CDCA7L: variants seen among roughly 807,000 people sequenced by gnomAD.
CDCA7L encodes the protein cell division cycle associated 7 like.
In CDCA7L, 44 loss-of-function variants were observed where a neutral mutation model predicts 57.4. That is an observed-to-expected ratio of 0.77 (90% CI 0.60 to 0.98). CDCA7L has a LOEUF of 0.98. CDCA7L is among the 50% of genes least tolerant of loss of function. The pLI is 0.00. For missense variants in CDCA7L, 644 were observed against 580.6 expected, an observed-to-expected ratio of 1.11 and a Z score of -1.12; for synonymous variants, 236 against 202.8, an observed-to-expected ratio of 1.16 and a Z score of -1.39.
chr7:21,914,348 C>T (rs1785420706), intron 2 of CDCA7L, among the ~76,000 whole-genome samples: 1 of 152,158 alleles, frequency 6.6e-6, no homozygotes. Context: ...TATGAGGTCT[C>T]CCCTTCTTAA....
At chr7:21,902,559 G>C (rs1784953468) in intron 9 of CDCA7L, 2 of 512,118 alleles carry the variant, frequency 3.9e-6, no homozygotes, top group Admixed American at 3.4e-5. Flanking sequence ...CCGCATTCCA[G>C]AACCACGATT....
chr7:21,905,878 G>A (rs983924728), intron 6 of CDCA7L, among the ~76,000 whole-genome samples: 6 of 152,160 alleles, frequency 3.9e-5, no homozygotes, highest in Non-Finnish European at 5.9e-5. Flanking sequence ...ACTCTGTGGA[G>A]AGGTGAACCA....
intron 2 of CDCA7L, among the ~76,000 whole-genome samples, chr7:21,913,136 G>A (rs1360973942): frequency 3.3e-5 from 5 of 152,012 alleles, no homozygotes; most frequent in African/African-American, 1.2e-4. Context: ...ATACTTCTTT[G>A]AGCTCATATA....
At chr7:21,903,855 T>C (rs1348562006) in intron 8 of CDCA7L, 3 of 369,174 alleles carry the variant, frequency 8.1e-6, no homozygotes, top group Admixed American at 4.3e-5. Flanking sequence ...TGCATAAAAC[T>C]AGAGGACTGT....
At chr7:21,921,551 G>C (rs189994070) in intron 1 of CDCA7L, among the ~76,000 whole-genome samples, 1 of 150,676 alleles carries the variant, frequency 6.6e-6, no homozygotes, top group African/African-American at 2.4e-5. Context: ...ATTCAGCAGC[G>C]ATCCACTGGG....
chr7:21,921,104 A>G (rs1453589804), intron 1 of CDCA7L, among the ~76,000 whole-genome samples: 1 of 152,170 alleles, frequency 6.6e-6, no homozygotes, highest in Non-Finnish European at 1.5e-5. Flanking sequence ...TCCCTGTGCT[A>G]TTGTGTTCAG....
rs571789488 is a variant in CDCA7L, at chr7:21,921,567, G to A, written c.25-4673C>T. Among the ~76,000 whole-genome samples, 4 of 149,940 alleles carry A rather than the reference G, an allele frequency of 2.7e-5. No individual in the cohort carries two copies. In the South Asian group the frequency reaches 8.5e-4, roughly 32 times the overall value. On this transcript the variant is annotated intron_variant, in intron 1 of 9. Coordinates refer to ENST00000406877, the MANE Select transcript of CDCA7L (RefSeq NM_018719.5). ...TTCAGCAGCGATCCACTGGGTAGCTGCATAGTCTAGACAAAAATGCAAGAC... is the reference window on the plus strand; with the variant it reads ...TTCAGCAGCGATCCACTGGGTAGCTACATAGTCTAGACAAAAATGCAAGAC...
Position 21,911,869 on chromosome 7 carries a change from T to C in CDCA7L, c.166-115A>G, listed in dbSNP as rs892966939. 7 of 846,928 alleles carry C rather than the reference T, an allele frequency of 8.3e-6. No homozygotes were observed. In the African/African-American group the frequency reaches 1.0e-4, roughly 13 times the overall value. 52.5% of individuals were successfully genotyped at this position (846,928 alleles called of 1,614,324 possible). A position where few individuals can be genotyped will look rare whatever the true frequency, so the allele number is the denominator to read the frequency against. On this transcript the variant is annotated intron_variant, in intron 2 of 9. Coordinates refer to ENST00000406877, the MANE Select transcript of CDCA7L (RefSeq NM_018719.5). Reference sequence around the variant, plus strand: ...GAGCTTCTGATGGAGATGACGAAAATGGATGGACAACAATGTGAATGTACT... The same window carrying C: ...GAGCTTCTGATGGAGATGACGAAAACGGATGGACAACAATGTGAATGTACT...
intron 1 of CDCA7L, among the ~76,000 whole-genome samples, chr7:21,918,335 T>C (rs140523193): frequency 7.3e-4 from 111 of 152,308 alleles, no homozygotes; most frequent in Middle Eastern, 3.4e-3. Flanking sequence ...CTCCCCTTCT[T>C]CTAAATTATT....
chr7:21,909,769 T>G (rs575812253), intron 3 of CDCA7L, among the ~76,000 whole-genome samples: 1 of 152,244 alleles, frequency 6.6e-6, no homozygotes, highest in South Asian at 2.1e-4. Flanking sequence ...TTACCAGATG[T>G]GGAACAGCTC....
At chr7:21,940,895 C>G (rs1186866950) in intron 1 of CDCA7L, among the ~76,000 whole-genome samples, 1 of 152,180 alleles carries the variant, frequency 6.6e-6, no homozygotes, top group Non-Finnish European at 1.5e-5. Context: ...TGGGACTACT[C>G]TCCACTTTCC....
intron 1 of CDCA7L, among the ~76,000 whole-genome samples, chr7:21,917,774 TTAAAG>T (rs558997342): frequency 7.4e-4 from 112 of 152,324 alleles, no homozygotes; most frequent in African/African-American, 2.6e-3. Flanking sequence ...CACACATTGA[TTAAAG>T]TAATTTGCAA....
At position 21,906,637 on chromosome 7, in the gene CDCA7L, A is replaced by G; in HGVS notation, c.684T>C (p.Leu228=). 6.2e-7 allele frequency: 1 copy of G among 1,613,902 alleles called. No individual in the cohort carries two copies. Among genetic ancestry groups the G allele is most frequent in the Non-Finnish European group, 8.5e-7 (1 of 1,180,030 alleles). Reference sequence around the variant, plus strand: ...AGTTCAATTCCGCCAATAACTGGGCAAGCTGAAGTTCAGAACAAAAGAAAG... The same window carrying G: ...AGTTCAATTCCGCCAATAACTGGGCGAGCTGAAGTTCAGAACAAAAGAAAG... ...TMNIKENKAM[L]AQLLAELNSM... The change falls in exon 5 of 10, where the codon CTT becomes CTC. Residue 228 remains leucine, a splice_region_variant and synonymous_variant. Coordinates refer to ENST00000406877, the MANE Select transcript of CDCA7L (RefSeq NM_018719.5).
chr7:21,916,990 T>A, intron 1 of CDCA7L, 96 bp from the exon 2 acceptor site: 1 of 1,421,184 alleles, frequency 7.0e-7, no homozygotes, highest in Non-Finnish European at 9.8e-7. Flanking sequence ...CATCACTTCA[T>A]CCAACTGCCA....
chr7:21,935,409 A>G (rs918533701), intron 1 of CDCA7L, among the ~76,000 whole-genome samples: 7 of 152,240 alleles, frequency 4.6e-5, no homozygotes, highest in Non-Finnish European at 8.8e-5. Flanking sequence ...AGGTAAATTT[A>G]TAGCTGTAAA....
intron 1 of CDCA7L, among the ~76,000 whole-genome samples, chr7:21,929,258 G>A (rs987109094): frequency 6.6e-6 from 1 of 152,154 alleles, no homozygotes; most frequent in African/African-American, 2.4e-5. Context: ...CAAATGCTGA[G>A]AGATTTTGTC....
At chr7:21,929,963 C>G (rs894544086) in intron 1 of CDCA7L, among the ~76,000 whole-genome samples, 2 of 152,158 alleles carry the variant, frequency 1.3e-5, no homozygotes, top group African/African-American at 4.8e-5. Context: ...CTGGACCAAG[C>G]AGACCTAATA....
Position 21,929,026 on chromosome 7 carries a change from GA to G in CDCA7L, c.25-12133del, listed in dbSNP as rs1423720854. Among the ~76,000 whole-genome samples the G allele has an allele frequency of 3.3e-5, 5 of 152,120 alleles. 1 individual carries two copies. Among genetic ancestry groups the G allele is most frequent in the African/African-American group, 1.2e-4 (5 of 41,400 alleles). ...TCATCAGATTCAGCAAGATTGAAAT[GA>G]AGGAAAAAAGGTTAAGGGCAGCCAG... On this transcript the variant is annotated intron_variant, in intron 1 of 9. Transcript: ENST00000406877.
intron 2 of CDCA7L, among the ~76,000 whole-genome samples, chr7:21,916,514 TAAAAAAAAAAAAA>T (rs71557529): frequency 1.9e-5 from 2 of 105,150 alleles, no homozygotes; most frequent in Non-Finnish European, 1.9e-5. Context: ...TCCCTTTATT[TAAAAAAAAAAAAA>T]AAAAAAAAAA....
Sources: allele counts gnomAD v4.1 joint callset (sites outside exome capture counted in the v4.1 genomes callset), GRCh38; gene constraint gnomAD v4.1.1; transcripts MANE v1.5; gene names NCBI Gene and HGNC (gene_info 2026-07-23, HGNC 2026-07-21).